The following MUC7 variants were observed in gnomAD, a reference collection of about 807,000 sequenced individuals.
MUC7 encodes the protein mucin-7.
A neutral mutation model predicts 2.5 loss-of-function variants in MUC7; 2 were observed. That is an observed-to-expected ratio of 0.81 (90% CI 0.33 to 2.55). The LOEUF (loss-of-function observed/expected upper bound fraction) is 2.55, where lower values mean the gene tolerates loss of function less well. Among genes scored for constraint, MUC7 ranks in the 30% most tolerant of loss-of-function variants. The probability of loss-of-function intolerance (pLI) is 0.11; values close to 1 mark genes in which losing one functional copy is unlikely to be tolerated. For synonymous variants in MUC7, 133 were observed against 173.4 expected (o/e 0.77, Z 1.83); for missense variants, 408 against 455.6 (o/e 0.90, Z 0.95).
chr4:70,475,221 G>A (rs995472649), intron 2 of MUC7, among the ~76,000 whole-genome samples: 3 of 152,112 alleles, frequency 2.0e-5, no homozygotes, highest in African/African-American at 7.2e-5. Context: ...AGAGTTTGCA[G>A]TGAGCCGAGA....
intron 1 of MUC7, among the ~76,000 whole-genome samples, chr4:70,453,664 C>T (rs1734346643): frequency 6.6e-6 from 1 of 152,184 alleles, no homozygotes; most frequent in Admixed American, 6.5e-5. Context: ...GTTCCCTTTA[C>T]TTTTCCCTCT....
intron 1 of MUC7, among the ~76,000 whole-genome samples, chr4:70,438,117 T>G (rs1733907678): frequency 6.6e-6 from 1 of 152,206 alleles, no homozygotes; most frequent in Non-Finnish European, 1.5e-5. Flanking sequence ...AAGTAATGGC[T>G]CATGTACTGG....
At chr4:70,433,805 T>A (rs1379865756) in intron 1 of MUC7, among the ~76,000 whole-genome samples, 1 of 152,200 alleles carries the variant, frequency 6.6e-6, no homozygotes, top group Non-Finnish European at 1.5e-5. Context: ...CTTGTGCCAG[T>A]TTTCAAAGGG....
Position 70,481,488 on chromosome 4 carries a change from A to C in MUC7, c.744A>C (p.Pro248=). ...CACCTTCTGCAACTACACCAGCTCC[A>C]CTATCTTCCTCAGCTCCACCAGAGA... The part of the protein sequence containing the change: ...PPTPSATTPA[P]LSSSAPPETT... The change falls in exon 3 of 3, where the codon CCA becomes CCC. Residue 248 remains proline (P), a synonymous_variant. Coordinates refer to ENST00000304887, the MANE Select transcript of MUC7 (RefSeq NM_152291.3). 1 of 1,506,836 alleles carries C rather than the reference A, an allele frequency of 6.6e-7. No individual in the cohort carries two copies. The highest frequency in any genetic ancestry group is 8.9e-7 in the Non-Finnish European group (1 of 1,125,114). The allele number at this position is 1,506,836 out of a possible 1,614,324, so 93.3% of individuals were successfully genotyped here.
rs560050402 is a variant in MUC7, at chr4:70,481,984, C to A, written c.*106C>A. ...AATCCCAACATGAAATTATATTACT[C>A]AGATTTAAAGCACTATCATTAATCT... On this transcript the variant is annotated 3_prime_UTR_variant, in exon 3 of 3. Coordinates refer to ENST00000304887, the MANE Select transcript of MUC7 (RefSeq NM_152291.3). The A allele has an allele frequency of 1.5e-6, 2 of 1,303,368 alleles. No individual in the cohort carries two copies. The highest frequency in any genetic ancestry group is 2.3e-5 in the East Asian group (1 of 42,558). 80.7% of individuals were successfully genotyped at this position (1,303,368 alleles called of 1,614,324 possible).
chr4:70,446,761 A>G (rs1994625), intron 1 of MUC7, among the ~76,000 whole-genome samples: 14,498 of 152,182 alleles, frequency 0.095, 909 homozygotes, highest in African/African-American at 0.17. Flanking sequence ...GCCAAATAAC[A>G]GTTACTGCTG....
At chr4:70,442,508 A>G (rs1296628523) in intron 1 of MUC7, among the ~76,000 whole-genome samples, 1 of 151,996 alleles carries the variant, frequency 6.6e-6, no homozygotes, top group African/African-American at 2.4e-5. Flanking sequence ...ATCCTCCTCA[A>G]TTTCCCCTCC....
At chr4:70,468,597 G>T (rs1734741131), upstream of MUC7, among the ~76,000 whole-genome samples, 1 of 152,086 alleles carries the variant, frequency 6.6e-6, no homozygotes, top group African/African-American at 2.4e-5. Context: ...AAAATCACAA[G>T]CATTCCTATA....
rs1735144586 is a variant in MUC7 at position 70,480,853 on chromosome 4, C to A, written c.109C>A (p.Gln37Lys). Reference sequence around the variant, plus strand: ...ACTACGTCACAGAAGGCATCATCACCAATCACCCAAATCTCACTTTGAATT... The same window carrying A: ...ACTACGTCACAGAAGGCATCATCACAAATCACCCAAATCTCACTTTGAATT... ...HELRHRRHHH[Q>K]SPKSHFELPH... Residue 37 changes from glutamine (Q) to lysine (K), a missense_variant, in exon 3 of 3, where the codon CAA (glutamine) becomes AAA (lysine). This residue lies in a region of MUC7 where 225 missense variants were observed against 240.5 expected (regional missense o/e 0.94). Coordinates refer to ENST00000304887, the MANE Select transcript of MUC7 (RefSeq NM_152291.3). The A allele has an allele frequency of 6.2e-7, 1 of 1,614,064 alleles. No individual in the cohort carries two copies. The highest frequency in any genetic ancestry group is 8.5e-7 in the Non-Finnish European group (1 of 1,179,944).
chr4:70,463,491 G>T (rs768302496), intron 1 of MUC7, among the ~76,000 whole-genome samples: 10 of 152,204 alleles, frequency 6.6e-5, no homozygotes, highest in East Asian at 1.9e-4. Flanking sequence ...ATGCATTTTG[G>T]TGTAGAAGTG....
At chr4:70,461,349 C>T (rs904647383) in intron 1 of MUC7, among the ~76,000 whole-genome samples, 2 of 152,168 alleles carry the variant, frequency 1.3e-5, no homozygotes, top group African/African-American at 2.4e-5. Context: ...CCAGTGAAGA[C>T]GGGACTGAGC....
At chr4:70,466,427 A>G (rs1734684415) in intron 1 of MUC7, among the ~76,000 whole-genome samples, 1 of 152,230 alleles carries the variant, frequency 6.6e-6, no homozygotes, top group Non-Finnish European at 1.5e-5. Flanking sequence ...CTTAAATGTA[A>G]ATGGGCTAAA....
intron 1 of MUC7, among the ~76,000 whole-genome samples, chr4:70,439,128 G>A (rs1411309012): frequency 6.6e-6 from 1 of 152,188 alleles, no homozygotes; most frequent in Admixed American, 6.5e-5. Flanking sequence ...AAAAAGGCTA[G>A]TTTAGATTGG....
At chr4:70,443,650 C>G (rs138672770) in intron 1 of MUC7, among the ~76,000 whole-genome samples, 1 of 152,256 alleles carries the variant, frequency 6.6e-6, no homozygotes, top group African/African-American at 2.4e-5. Context: ...AAACAAAAAT[C>G]TGTCTTCCAC....
At chr4:70,467,565 T>A (rs549395881), upstream of MUC7, among the ~76,000 whole-genome samples, 1 of 152,126 alleles carries the variant, frequency 6.6e-6, no homozygotes, top group African/African-American at 2.4e-5. Context: ...CAATAAAAAA[T>A]GATAAAAGGG....
chr4:70,443,675 G>C (rs1390578694), intron 1 of MUC7, among the ~76,000 whole-genome samples: 1 of 152,076 alleles, frequency 6.6e-6, no homozygotes, highest in African/African-American at 2.4e-5. Flanking sequence ...AACTAACCAA[G>C]AAGATGTGGT....
chr4:70,435,480 C>A (rs946096790), intron 1 of MUC7, among the ~76,000 whole-genome samples: 3 of 152,110 alleles, frequency 2.0e-5, no homozygotes, highest in Non-Finnish European at 4.4e-5. Flanking sequence ...CTCTTTTGAT[C>A]TTTGTTGGTT....
intron 1 of MUC7, among the ~76,000 whole-genome samples, chr4:70,434,357 T>A (rs982814501): frequency 3.3e-5 from 5 of 152,322 alleles, no homozygotes; most frequent in African/African-American, 9.6e-5. Flanking sequence ...TCCTGGACTT[T>A]TTTTGTTGGT....
intron 1 of MUC7, among the ~76,000 whole-genome samples, chr4:70,446,138 A>T (rs1037062053): frequency 6.6e-6 from 1 of 152,166 alleles, no homozygotes; most frequent in African/African-American, 2.4e-5. Context: ...CCAGGCTCTC[A>T]AATCCTTAAA....
Sources: gnomAD v4.1 joint callset for allele counts (sites outside exome capture counted in the v4.1 genomes callset) on GRCh38, gnomAD v4.1.1 for gene constraint, gnomAD v4.1.1 regional missense constraint, MANE v1.5 for transcripts, NCBI Gene and HGNC (gene_info 2026-07-23, HGNC 2026-07-21) for gene names.